The following NOS1AP variants were observed in gnomAD, a reference collection of about 807,000 sequenced individuals.
NOS1AP encodes the protein nitric oxide synthase 1 adaptor protein.
Under a neutral mutation model 56.2 loss-of-function variants are expected in NOS1AP, and 21 were observed. The observed-to-expected ratio is 0.37, with a 90% CI of 0.26 to 0.54. NOS1AP has a LOEUF of 0.54. Ranked by LOEUF, NOS1AP falls within the 20% of genes least tolerant of loss-of-function variation. The probability of loss-of-function intolerance (pLI) is 0.84; values close to 1 mark genes in which losing one functional copy is unlikely to be tolerated. For synonymous variants in NOS1AP, 270 were observed against 274.6 expected (o/e 0.98, Z 0.17); for missense variants, 522 against 657.8 (o/e 0.79, Z 2.26).
intron 1 of NOS1AP, among the ~76,000 whole-genome samples, chr1:162,148,495 C>T (rs982471160): frequency 5.3e-5 from 8 of 152,096 alleles, no homozygotes; most frequent in South Asian, 2.1e-4. Flanking sequence ...GATTAGGGGA[C>T]GAGTGGGTAG....
intron 2 of NOS1AP, among the ~76,000 whole-genome samples, chr1:162,213,233 A>G (rs1440910275): frequency 6.6e-6 from 1 of 152,168 alleles, no homozygotes; most frequent in Non-Finnish European, 1.5e-5. Flanking sequence ...ACATATTTAA[A>G]TACCCCAGCA....
At position 162,201,032 on chromosome 1, in the gene NOS1AP, A is replaced by G. The variant is rs142550886; in HGVS notation, c.177+46556A>G. On this transcript the variant is annotated intron_variant, in intron 2 of 9. Coordinates refer to ENST00000361897, the MANE Select transcript of NOS1AP (RefSeq NM_014697.3). ...ATATTAAGCCTAGTACCCATTAATT[A>G]TTTTTCCTGATCCTCTTCCTCCTCC... is the stretch of plus-strand genomic sequence containing the variant. Among the ~76,000 whole-genome samples the G allele has an allele frequency of 3.0e-4, 45 of 152,158 alleles. 1 individual carries two copies. Among genetic ancestry groups the G allele is most frequent in the African/African-American group, 9.6e-4 (40 of 41,516 alleles).
At chr1:162,256,085 A>G (rs923641476) in intron 2 of NOS1AP, among the ~76,000 whole-genome samples, 4 of 152,098 alleles carry the variant, frequency 2.6e-5, no homozygotes, top group African/African-American at 9.7e-5. Flanking sequence ...CGGAGGTTGC[A>G]TTGAGCCAAG....
chr1:162,285,514 A>T (rs1433491382), intron 2 of NOS1AP, among the ~76,000 whole-genome samples: 1 of 152,162 alleles, frequency 6.6e-6, no homozygotes, highest in East Asian at 1.9e-4. Context: ...AATCAAACCA[A>T]CTTTAACCTT....
chr1:162,091,464 TA>T (rs759991633), intron 1 of NOS1AP, among the ~76,000 whole-genome samples: 5 of 152,242 alleles, frequency 3.3e-5, no homozygotes, highest in Non-Finnish European at 7.3e-5. Context: ...CATGAGTTTT[TA>T]AATTTGCTAT....
rs1458135669 is a variant in NOS1AP, at chr1:162,357,229, T to C, written c.939+93T>C. The stretch of plus-strand genomic sequence containing the variant: ...AGGGGCTCAGGGCAGGTTTAAAATC[T>C]AGGGAGTCATAAGGAATCGCTCATG... On this transcript the variant is annotated intron_variant, in intron 8 of 9. Transcript: ENST00000361897. The C allele has an allele frequency of 3.2e-6, 5 of 1,539,190 alleles. No homozygotes were observed. In the Admixed American group the frequency reaches 7.8e-5, roughly 24 times the overall value.
chr1:162,345,107 CTCTT>C (rs922814198), intron 6 of NOS1AP, among the ~76,000 whole-genome samples: 16 of 151,886 alleles, frequency 1.1e-4, no homozygotes, highest in African/African-American at 3.9e-4. Context: ...TGTTAATTCT[CTCTT>C]TGTTTATCTA....
At chr1:162,149,743 T>C (rs1649630975) in intron 1 of NOS1AP, among the ~76,000 whole-genome samples, 1 of 152,276 alleles carries the variant, frequency 6.6e-6, no homozygotes. Context: ...AAGGTGCAGC[T>C]ATAGCGAAAA....
chr1:162,204,669 T>C (rs1289331832), intron 2 of NOS1AP, among the ~76,000 whole-genome samples: 8 of 152,184 alleles, frequency 5.3e-5, no homozygotes, highest in Non-Finnish European at 7.3e-5. Context: ...TAGTGTGGAG[T>C]CCTAGCTTTT....
At chr1:162,317,948 G>T (rs951742258) in intron 4 of NOS1AP, among the ~76,000 whole-genome samples, 1 of 152,164 alleles carries the variant, frequency 6.6e-6, no homozygotes, top group Non-Finnish European at 1.5e-5. Context: ...TCTCTCGCAG[G>T]GAAAGGCTTA....
chr1:162,343,987 C>T lies in NOS1AP; in HGVS notation c.595+11C>T, dbSNP rs372950135. The T allele has an allele frequency of 5.9e-5, 95 of 1,613,854 alleles. No individual in the cohort carries two copies. The African/African-American group carries it at 9.9e-4, about 17-fold the overall frequency. On this transcript the variant is annotated intron_variant, in intron 6 of 9. Coordinates refer to ENST00000361897, the MANE Select transcript of NOS1AP (RefSeq NM_014697.3). ...GCTCAGGAGACCCAGGTAGGCACTG[C>T]GGCTTCTGTGGATGTGGGTGGGAAG... is the stretch of plus-strand genomic sequence containing the variant.
chr1:162,088,501 G>A (rs1194669794), intron 1 of NOS1AP, among the ~76,000 whole-genome samples: 1 of 152,106 alleles, frequency 6.6e-6, no homozygotes, highest in South Asian at 2.1e-4. Flanking sequence ...TCAGATTATC[G>A]AGCCTGATTT....
At chr1:162,327,490 A>C (rs1656630289) in intron 4 of NOS1AP, among the ~76,000 whole-genome samples, 1 of 152,214 alleles carries the variant, frequency 6.6e-6, no homozygotes, top group African/African-American at 2.4e-5. Context: ...TGAATTTGTC[A>C]TTGCTCCTGG....
chr1:162,071,879 G>A (rs546753002), intron 1 of NOS1AP, among the ~76,000 whole-genome samples: 1 of 152,272 alleles, frequency 6.6e-6, no homozygotes, highest in African/African-American at 2.4e-5. Context: ...AAGTAAGAGG[G>A]TAAGAAGGGA....
intron 2 of NOS1AP, among the ~76,000 whole-genome samples, chr1:162,215,955 C>T (rs1013644730): frequency 6.6e-6 from 1 of 152,228 alleles, no homozygotes; most frequent in Non-Finnish European, 1.5e-5. Context: ...TTATAACTCA[C>T]TGTTCTCTGG....
chr1:162,280,219 G>A (rs6671271), intron 2 of NOS1AP, among the ~76,000 whole-genome samples: 17,836 of 152,120 alleles, frequency 0.12, 1,276 homozygotes, highest in East Asian at 0.3. Flanking sequence ...AATACCTAAT[G>A]CTTAGCACTC....
chr1:162,151,186 C>T (rs1205086188), intron 1 of NOS1AP, among the ~76,000 whole-genome samples: 1 of 152,178 alleles, frequency 6.6e-6, no homozygotes, highest in Admixed American at 6.5e-5. Flanking sequence ...ATATGGATAT[C>T]CAGTTTTCCC....
chr1:162,124,679 G>C (rs571091880), intron 1 of NOS1AP, among the ~76,000 whole-genome samples: 1 of 151,978 alleles, frequency 6.6e-6, no homozygotes, highest in South Asian at 2.1e-4. Context: ...CCGCCAGCGC[G>C]CCCAGCTAAT....
At chr1:162,169,604 T>A (rs534909461) in intron 2 of NOS1AP, among the ~76,000 whole-genome samples, 6 of 152,184 alleles carry the variant, frequency 3.9e-5, no homozygotes, top group Non-Finnish European at 8.8e-5. Context: ...GCACGTGGCA[T>A]GTGTCCATCT....
Sources: gnomAD v4.1 joint callset for allele counts (sites outside exome capture counted in the v4.1 genomes callset) on GRCh38, gnomAD v4.1.1 for gene constraint, MANE v1.5 for transcripts, NCBI Gene and HGNC (gene_info 2026-07-23, HGNC 2026-07-21) for gene names.